VPS13A: variants seen among roughly 807,000 people sequenced by gnomAD.
VPS13A encodes the protein vacuolar protein sorting 13 homolog A.
VPS13A carries 264 observed loss-of-function variants against 390.9 expected under a neutral mutation model. The ratio of observed to expected loss-of-function variants is 0.68; its 90% CI spans 0.61 to 0.75. The LOEUF is 0.75. Among genes scored for constraint, VPS13A ranks in the 30% least tolerant of loss-of-function variants. The probability of loss-of-function intolerance (pLI) is 0.00; values close to 1 mark genes in which losing one functional copy is unlikely to be tolerated. For synonymous variants in VPS13A, 1,231 were observed against 1,227.1 expected (o/e 1.00, Z -0.07); for missense variants, 3,409 against 3,733.9 (o/e 0.91, Z 2.27).
chr9:77,386,909 G>C (rs1021279230), intron 68 of VPS13A, among the ~76,000 whole-genome samples: 3 of 151,776 alleles, frequency 2.0e-5, no homozygotes, highest in African/African-American at 4.8e-5. Context: ...GGGTTTCACC[G>C]TGTTAGCCAG....
intron 5 of VPS13A, among the ~76,000 whole-genome samples, chr9:77,207,213 T>TTTTATATATA (rs1554859893): frequency 2.6e-3 from 111 of 43,126 alleles, no homozygotes; most frequent in African/African-American, 5.6e-3. Flanking sequence ...TATTTAGATA[T>TTTTATATATA]TATATATATA....
intron 7 of VPS13A, among the ~76,000 whole-genome samples, chr9:77,210,884 T>C (rs768005918): frequency 1.3e-5 from 2 of 152,178 alleles, no homozygotes; most frequent in Non-Finnish European, 2.9e-5. Context: ...GTCCTATTAT[T>C]ATTGGTAATT....
intron 68 of VPS13A, among the ~76,000 whole-genome samples, chr9:77,386,783 C>CT (rs2131622456): frequency 6.6e-6 from 1 of 151,180 alleles, no homozygotes; most frequent in South Asian, 2.1e-4. Flanking sequence ...TCTCGGCTGA[C>CT]TGCAAACTCC....
chr9:77,177,619 C>A lies in VPS13A; in HGVS notation c.-86C>A, dbSNP rs1349342454. The A allele has an allele frequency of 1.5e-6, 2 of 1,298,108 alleles. No homozygotes were observed. The highest frequency in any genetic ancestry group is 2.2e-6 in the Non-Finnish European group (2 of 913,764). 80.4% of individuals were successfully genotyped at this position (1,298,108 alleles called of 1,614,324 possible). ...TGAAGCCGCCCCGGAGCCGGTGAAC[C>A]GAATTACCTCGAGGGAGGGGCGTGG... On this transcript the variant is annotated 5_prime_UTR_variant, in exon 1 of 72. Coordinates refer to ENST00000360280, the MANE Select transcript of VPS13A (RefSeq NM_033305.3).
chr9:77,399,535 G>A (rs1263740075), intron 68 of VPS13A, among the ~76,000 whole-genome samples: 1 of 136,964 alleles, frequency 7.3e-6, no homozygotes, highest in East Asian at 2.6e-4. Flanking sequence ...ACTATTGGAA[G>A]GTTACGATCT....
rs985256228 is a variant in VPS13A, at chr9:77,420,417, TAAA to T, written c.*4415_*4417del. ...CTTTTGTAAATTTTTCCATGTCATT[TAAA>T]AAATTTTTTACTTTAGAATTACAGA... is the stretch of plus-strand genomic sequence containing the variant. On this transcript the variant is annotated 3_prime_UTR_variant, in exon 72 of 72. Transcript: ENST00000360280. The T allele has an allele frequency of 1.4e-4, 22 of 152,292 alleles. No homozygotes were observed. Among genetic ancestry groups the T allele is most frequent in the African/African-American group, 4.6e-4 (19 of 41,578 alleles). 9.4% of individuals were successfully genotyped at this position (152,292 alleles called of 1,614,324 possible). A position where few individuals can be genotyped will look rare whatever the true frequency, so the allele number is the denominator to read the frequency against.
At chr9:77,299,279 T>A (rs897126308) in intron 33 of VPS13A, among the ~76,000 whole-genome samples, 29 of 152,216 alleles carry the variant, frequency 1.9e-4, no homozygotes, top group Non-Finnish European at 2.4e-4. Context: ...GAAGTAGTTT[T>A]TTCTAATTCT....
At chr9:77,184,390 G>A (rs907386973) in intron 1 of VPS13A, among the ~76,000 whole-genome samples, 1 of 152,136 alleles carries the variant, frequency 6.6e-6, no homozygotes, top group African/African-American at 2.4e-5. Flanking sequence ...AAGCTGAGGT[G>A]GCCAGATCAG....
rs145369909 is a variant in VPS13A at position 77,265,583 on chromosome 9, G to T, written c.2427+5359G>T. On this transcript the variant is annotated intron_variant, in intron 23 of 71. Coordinates refer to ENST00000360280, the MANE Select transcript of VPS13A (RefSeq NM_033305.3). ...TTCTAGATTTTTGTAGTTTATTTGTGTAGAGGTGTTTATAGTATTCTCTGA... is the reference window on the plus strand; with the variant it reads ...TTCTAGATTTTTGTAGTTTATTTGTTTAGAGGTGTTTATAGTATTCTCTGA... Among the ~76,000 whole-genome samples, 877 of 152,266 alleles carry T rather than the reference G, an allele frequency of 5.8e-3. 12 individuals carry two copies. Among genetic ancestry groups the T allele is most frequent in the African/African-American group, 0.02 (845 of 41,564 alleles).
intron 34 of VPS13A, among the ~76,000 whole-genome samples, chr9:77,306,410 GTGTT>G (rs1162643870): frequency 4.2e-4 from 56 of 133,080 alleles, no homozygotes; most frequent in African/African-American, 1.6e-3. Flanking sequence ...GAGTGTGTGT[GTGTT>G]TGTGTGTGTG....
At chr9:77,198,871 C>G (rs1825160367) in intron 1 of VPS13A, among the ~76,000 whole-genome samples, 1 of 152,136 alleles carries the variant, frequency 6.6e-6, no homozygotes, top group Non-Finnish European at 1.5e-5. Flanking sequence ...CCATTTTGGT[C>G]AGGCTGGTCT....
Position 77,416,293 on chromosome 9 carries a change from A to G in VPS13A, c.*287A>G. On this transcript the variant is annotated 3_prime_UTR_variant, in exon 72 of 72. Transcript: ENST00000360280. ...TTATTTTGTAAAAGAAGACAAAATTATGAATCTTAAGTATTTGCTCCATCT... is the reference window on the plus strand; with the variant it reads ...TTATTTTGTAAAAGAAGACAAAATTGTGAATCTTAAGTATTTGCTCCATCT... The G allele has an allele frequency of 2.9e-6, 1 of 348,466 alleles. No homozygotes were observed. Among genetic ancestry groups the G allele is most frequent in the South Asian group, 2.8e-5 (1 of 36,050 alleles). 21.6% of individuals were successfully genotyped at this position (348,466 alleles called of 1,614,324 possible).
rs548396148 is a variant in VPS13A at position 77,365,810 on chromosome 9, T to G, written c.8325+237T>G. ...ACCTAACATTATTTTACCTTGATTT[T>G]CTGTTAAGCTGTTAGGTGACAATTT... On this transcript the variant is annotated intron_variant, in intron 60 of 71. Transcript: ENST00000360280. Among the ~76,000 whole-genome samples, 4 of 152,228 alleles carry G rather than the reference T, an allele frequency of 2.6e-5. No individual in the cohort carries two copies. The South Asian group carries it at 8.3e-4, about 32-fold the overall frequency.
intron 15 of VPS13A, among the ~76,000 whole-genome samples, chr9:77,227,000 TAGC>T (rs994545315): frequency 8.5e-5 from 13 of 152,268 alleles, no homozygotes; most frequent in Admixed American, 8.5e-4. Context: ...TATCACTTAT[TAGC>T]AGTGTGTCTC....
chr9:77,304,957 G>A (rs1470552737), intron 34 of VPS13A, among the ~76,000 whole-genome samples: 8 of 89,636 alleles, frequency 8.9e-5, no homozygotes. Context: ...TTTTTTTTTT[G>A]AGATGGAGTC....
intron 17 of VPS13A, among the ~76,000 whole-genome samples, chr9:77,229,725 A>G (rs1428307110): frequency 6.6e-6 from 1 of 152,144 alleles, no homozygotes; most frequent in East Asian, 1.9e-4. Flanking sequence ...TATTGCAGCT[A>G]TGAGTATTCA....
At chr9:77,345,988 A>T (rs925423695) in intron 52 of VPS13A, among the ~76,000 whole-genome samples, 1 of 152,120 alleles carries the variant, frequency 6.6e-6, no homozygotes, top group African/African-American at 2.4e-5. Flanking sequence ...CATGTGTGCA[A>T]GTGTCTTTTT....
intron 1 of VPS13A, among the ~76,000 whole-genome samples, chr9:77,196,946 T>G (rs1825039715): frequency 6.6e-6 from 1 of 152,170 alleles, no homozygotes; most frequent in Admixed American, 6.5e-5. Context: ...CTGTACTAAT[T>G]TATACTCCCA....
intron 5 of VPS13A, among the ~76,000 whole-genome samples, chr9:77,209,028 A>G (rs1825829922): frequency 6.6e-6 from 1 of 152,200 alleles, no homozygotes; most frequent in Non-Finnish European, 1.5e-5. Flanking sequence ...TTACACATCT[A>G]TACACAGGCA....
Sources: gnomAD v4.1 joint callset for allele counts (sites outside exome capture counted in the v4.1 genomes callset) on GRCh38, gnomAD v4.1.1 for gene constraint, MANE v1.5 for transcripts, NCBI Gene and HGNC (gene_info 2026-07-23, HGNC 2026-07-21) for gene names.